The following ARSG variants were observed in gnomAD, a reference collection of about 807,000 sequenced individuals.
ARSG encodes the protein ASG.
A neutral mutation model predicts 50.5 loss-of-function variants in ARSG; 37 were observed. The ratio of observed to expected loss-of-function variants is 0.73; its 90% CI spans 0.56 to 0.96. The LOEUF (loss-of-function observed/expected upper bound fraction) is 0.96. Among genes scored for constraint, ARSG ranks in the 50% least tolerant of loss-of-function variants. The pLI, the probability that ARSG is intolerant of heterozygous loss-of-function variation, is 0.00. For synonymous variants in ARSG, 225 were observed against 254.6 expected, an observed-to-expected ratio of 0.88 and a Z score of 1.11; for missense variants, 629 against 675.3, an observed-to-expected ratio of 0.93 and a Z score of 0.76.
chr17:68,318,230 G>C (rs2077148149), intron 2 of ARSG, among the ~76,000 whole-genome samples: 1 of 152,218 alleles, frequency 6.6e-6, no homozygotes, highest in South Asian at 2.1e-4. Context: ...ATCATTTCCA[G>C]CTCTTCATGC....
chr17:68,427,307 A>T, downstream of ARSG: 1 of 1,340,864 alleles, frequency 7.5e-7, no homozygotes. Flanking sequence ...TCATATATCT[A>T]GGACACCTTC....
chr17:68,422,980 C>T (rs1331801917), downstream of ARSG, among the ~76,000 whole-genome samples: 1 of 152,116 alleles, frequency 6.6e-6, no homozygotes, highest in African/African-American at 2.4e-5. Context: ...AAGCGTGATC[C>T]TACGCAGGGA....
At chr17:68,386,309 G>A (rs555945948) in intron 9 of ARSG, among the ~76,000 whole-genome samples, 1 of 152,344 alleles carries the variant, frequency 6.6e-6, no homozygotes, top group South Asian at 2.1e-4. Flanking sequence ...GTTAAAGACC[G>A]ATTTCCTAAT....
chr17:68,322,264 GCAA>G (rs2077314593), intron 2 of ARSG, among the ~76,000 whole-genome samples: 1 of 152,200 alleles, frequency 6.6e-6, no homozygotes, highest in South Asian at 2.1e-4. Context: ...GGCTGGAGTT[GCAA>G]CTCTAAGCCC....
upstream of ARSG, among the ~76,000 whole-genome samples, chr17:68,287,293 A>G (rs1261013206): frequency 1.3e-5 from 2 of 151,828 alleles, no homozygotes; most frequent in African/African-American, 2.4e-5. Flanking sequence ...CTGGGATTAC[A>G]CGCGTGAGCC....
At chr17:68,437,211 C>A in the ARSG span, among the ~76,000 whole-genome samples, 1 of 152,032 alleles carries the variant, frequency 6.6e-6, no homozygotes, top group Non-Finnish European at 1.5e-5. Context: ...TACTGTTGGC[C>A]AGTAACTTCA....
In ARSG at chr17:68,273,123, GA is replaced by G. The variant is rs1315613270; in HGVS notation, c.-552+13702del. Among the ~76,000 whole-genome samples the G allele has an allele frequency of 2.0e-5, 3 of 151,976 alleles. No homozygotes were observed. In the East Asian group the frequency reaches 5.8e-4, roughly 29 times the overall value. On this transcript the variant is annotated intron_variant, in intron 1 of 11. Transcript: ENST00000448504. ...TCATTTCATATGTGCAGAAATACAG[GA>G]AAAATTTAAAGTCTGCAAATCTTAA...
intron 1 of ARSG, among the ~76,000 whole-genome samples, chr17:68,296,628 C>T (rs996309123): frequency 6.6e-6 from 1 of 152,140 alleles, no homozygotes; most frequent in Non-Finnish European, 1.5e-5. Flanking sequence ...GTCCAGGGAG[C>T]ATCCATCCCT....
intron 1 of ARSG, among the ~76,000 whole-genome samples, chr17:68,263,772 A>ATGGC (rs1423086080): frequency 1.3e-5 from 2 of 152,214 alleles, no homozygotes; most frequent in Non-Finnish European, 2.9e-5. Context: ...ATTAAAGACA[A>ATGGC]TGGCTTCTAA....
intron 1 of ARSG, among the ~76,000 whole-genome samples, chr17:68,302,701 G>T (rs1314006111): frequency 6.6e-6 from 1 of 152,168 alleles, no homozygotes; most frequent in Non-Finnish European, 1.5e-5. Context: ...TGGGGGTCGT[G>T]GAGAAGAATA....
At chr17:68,315,758 G>A (rs958120999) in intron 2 of ARSG, among the ~76,000 whole-genome samples, 2 of 152,126 alleles carry the variant, frequency 1.3e-5, no homozygotes, top group Non-Finnish European at 2.9e-5. Flanking sequence ...TTAACCTCTC[G>A]AGTAGCTGGG....
intron 1 of ARSG, among the ~76,000 whole-genome samples, chr17:68,297,107 G>T (rs1285213604): frequency 6.6e-6 from 1 of 152,184 alleles, no homozygotes; most frequent in African/African-American, 2.4e-5. Context: ...TGGAGTTGTA[G>T]ATCTTTCTTG....
chr17:68,281,329 G>A (rs545766070), intron 1 of ARSG, among the ~76,000 whole-genome samples: 15 of 152,204 alleles, frequency 9.9e-5, no homozygotes, highest in African/African-American at 3.6e-4. Context: ...AGCACTTTGG[G>A]AGCCTGAGGC....
chr17:68,307,846 G>T, intron 2 of ARSG, 135 bp downstream of exon 2: 1 of 612,842 alleles, frequency 1.6e-6, no homozygotes, highest in Non-Finnish European at 2.9e-6. Context: ...TAATTAATTT[G>T]GTTTGAAGCC....
At chr17:68,303,529 AC>A (rs1555762758) in intron 1 of ARSG, among the ~76,000 whole-genome samples, 2 of 151,740 alleles carry the variant, frequency 1.3e-5, no homozygotes, top group Non-Finnish European at 2.9e-5. Flanking sequence ...GCTCACTGCA[AC>A]CCCCGCCTCC....
chr17:68,433,431 C>G, the ARSG span: 2 of 1,574,582 alleles, frequency 1.3e-6, no homozygotes, highest in Non-Finnish European at 1.7e-6. Context: ...TGACTCCTTT[C>G]GTTTAATGAG....
chr17:68,329,589 C>T (rs2077641608), intron 2 of ARSG, among the ~76,000 whole-genome samples: 1 of 152,150 alleles, frequency 6.6e-6, no homozygotes, highest in Non-Finnish European at 1.5e-5. Flanking sequence ...TTCATTTGGG[C>T]CTAACTGTGC....
intron 9 of ARSG, among the ~76,000 whole-genome samples, chr17:68,390,697 C>A (rs1290193161): frequency 1.3e-5 from 2 of 152,098 alleles, no homozygotes; most frequent in East Asian, 1.9e-4. Flanking sequence ...GATCTCAGAT[C>A]ACTGCAACCT....
chr17:68,340,238 A>G (rs2078207068), intron 2 of ARSG, among the ~76,000 whole-genome samples: 1 of 152,094 alleles, frequency 6.6e-6, no homozygotes, highest in Admixed American at 6.6e-5. Flanking sequence ...GTATGGACTA[A>G]TGGATTTTTA....
Sources: allele counts gnomAD v4.1 joint callset (sites outside exome capture counted in the v4.1 genomes callset), GRCh38; gene constraint gnomAD v4.1.1; transcripts MANE v1.5; gene names NCBI Gene and HGNC (gene_info 2026-07-23, HGNC 2026-07-21).